HERC3: variants seen among roughly 807,000 people sequenced by gnomAD.
HERC3 encodes HECT and RLD domain containing E3 ubiquitin protein ligase 3.
A neutral mutation model predicts 129.9 loss-of-function variants in HERC3; 58 were observed. That is an observed-to-expected ratio of 0.45 (90% CI 0.36 to 0.56). The LOEUF (loss-of-function observed/expected upper bound fraction) is 0.56, where lower values mean the gene tolerates loss of function less well. HERC3 is among the 20% of genes least tolerant of loss of function. The pLI is 0.00. For synonymous variants in HERC3, 430 were observed against 451.0 expected, an observed-to-expected ratio of 0.95 and a Z score of 0.59; for missense variants, 835 against 1,244.2, an observed-to-expected ratio of 0.67 and a Z score of 4.95.
chr4:88,579,988 G>A, the HERC3 span, among the ~76,000 whole-genome samples: 1 of 152,168 alleles, frequency 6.6e-6, no homozygotes, highest in African/African-American at 2.4e-5. Flanking sequence ...ATGTTAGCCC[G>A]ATAAGACTCA....
At chr4:88,618,062 A>G (rs969062230) in intron 3 of HERC3, among the ~76,000 whole-genome samples, 6 of 152,200 alleles carry the variant, frequency 3.9e-5, no homozygotes, top group Non-Finnish European at 8.8e-5. Flanking sequence ...CGATAGGAAA[A>G]TGGAGATAAC....
At position 88,670,121 on chromosome 4, in the gene HERC3, T is replaced by C; in HGVS notation, c.1798-18T>C. The C allele has an allele frequency of 6.2e-7, 1 of 1,604,174 alleles. No homozygotes were observed. On this transcript the variant is annotated intron_variant, in intron 15 of 25. Coordinates refer to ENST00000402738, the MANE Select transcript of HERC3 (RefSeq NM_014606.3). ...TGGGAAGCCATGTTTCAGTTGTCTG[T>C]ATTTTGTTCTTCATTAGGTAAATCT...
intron 23 of HERC3, chr4:88,690,428 G>A (rs1037967287): frequency 1.0e-6 from 1 of 985,104 alleles, no homozygotes; most frequent in African/African-American, 1.7e-5. Flanking sequence ...GTAACCTTTA[G>A]TCTTTCAAAC....
the HERC3 span, among the ~76,000 whole-genome samples, chr4:88,584,765 G>A: frequency 6.6e-6 from 1 of 152,196 alleles, no homozygotes. Context: ...TCCAGACTGT[G>A]AGCCAGTAAG....
the HERC3 span, among the ~76,000 whole-genome samples, chr4:88,576,269 C>T: frequency 6.6e-6 from 1 of 152,196 alleles, no homozygotes; most frequent in Non-Finnish European, 1.5e-5. Context: ...TCCCCTTCCA[C>T]CCTTGCCGTC....
At chr4:88,618,405 C>T (rs1289769354) in intron 3 of HERC3, among the ~76,000 whole-genome samples, 1 of 152,202 alleles carries the variant, frequency 6.6e-6, no homozygotes, top group East Asian at 1.9e-4. Flanking sequence ...TAGAGGCTTT[C>T]CACTGATCAC....
In HERC3 at chr4:88,667,486, C is replaced by T. The variant is rs1731170671; in HGVS notation, c.1441C>T (p.Gln481Ter). 7.2e-6 allele frequency: 11 copies of T among 1,531,050 alleles called. No homozygotes were observed. Among genetic ancestry groups the T allele is most frequent in the Non-Finnish European group, 9.9e-6 (11 of 1,115,904 alleles). 94.8% of individuals were successfully genotyped at this position (1,531,050 alleles called of 1,614,324 possible). A position where few individuals can be genotyped will look rare whatever the true frequency, so the allele number is the denominator to read the frequency against. Reference protein sequence around the residue: ...MNSQHSMILEQILNSFESCLI... With the variant: ...MNSQHSMILE ...CTCTCAGCACTCCATGATTCTAGAA[C>T]AGGTATGTTTCTATATTTGTAAAGT... Residue 481 changes from glutamine (Q) to a stop codon, truncating the protein, a stop_gained and splice_region_variant, in exon 13 of 26, where the codon CAG becomes TAG. Coordinates refer to ENST00000402738, the MANE Select transcript of HERC3 (RefSeq NM_014606.3). LOFTEE classifies it high-confidence loss of function.
At chr4:88,545,641 G>C in the HERC3 span, among the ~76,000 whole-genome samples, 1 of 151,760 alleles carries the variant, frequency 6.6e-6, no homozygotes, top group South Asian at 2.1e-4. Flanking sequence ...GCTCAGGCTG[G>C]TCTCAAACTC....
In HERC3 at chr4:88,667,420, G is replaced by T; in HGVS notation, c.1375G>T (p.Asp459Tyr). 3 of 1,610,250 alleles carry T rather than the reference G, an allele frequency of 1.9e-6. No homozygotes were observed. The South Asian group carries it at 3.3e-5, about 18-fold the overall frequency. ...AACGAGTCCCAAAATCCCTGGGATT[G>T]ACCTGAACTCAACTAGGGTGTTATT... ...FKTSPKIPGI[D>Y]LNSTRVLFEK... Residue 459 changes from aspartate (D) to tyrosine (Y), a missense_variant, in exon 13 of 26, where the codon GAC (aspartate) becomes TAC (tyrosine). Physicochemically the swap from Asp to Tyr is radical, Grantham distance 160. Transcript: ENST00000402738.
chr4:88,653,944 T>C, intron 6 of HERC3, 98 bp from the exon 7 acceptor site: 1 of 846,112 alleles, frequency 1.2e-6, no homozygotes, highest in Admixed American at 1.9e-5. Flanking sequence ...TGAACATGCG[T>C]CAGGAATCCA....
Position 88,606,061 on chromosome 4 carries a change from T to C in HERC3, c.226+12T>C. 6.2e-7 allele frequency: 1 copy of C among 1,601,716 alleles called. No homozygotes were observed. The highest frequency in any genetic ancestry group is 1.1e-5 in the South Asian group (1 of 90,466). ...AGGAAACAAGCCAGGTAAGTGCACC[T>C]TATCTGTCTTGATTATTGGTGAGAA... On this transcript the variant is annotated intron_variant, in intron 3 of 25. Transcript: ENST00000402738.
intron 3 of HERC3, among the ~76,000 whole-genome samples, chr4:88,630,980 C>A (rs1306263414): frequency 6.6e-6 from 1 of 152,164 alleles, no homozygotes; most frequent in Non-Finnish European, 1.5e-5. Context: ...GACAGGGCTC[C>A]ATATGTTATT....
chr4:88,581,450 A>T, the HERC3 span, among the ~76,000 whole-genome samples: 2 of 147,898 alleles, frequency 1.4e-5, no homozygotes, highest in African/African-American at 5.2e-5. Context: ...GGTGCCCGCG[A>T]CCATGCCTGG....
chr4:88,642,479 G>A (rs563281254), intron 3 of HERC3, among the ~76,000 whole-genome samples: 1 of 152,222 alleles, frequency 6.6e-6, no homozygotes, highest in South Asian at 2.1e-4. Flanking sequence ...GTTCATTTGG[G>A]GTGCTATAAC....
In HERC3 at chr4:88,662,413, TTACA is replaced by T; in HGVS notation, c.1147-16_1147-13del. 6.3e-7 allele frequency: 1 copy of T among 1,595,820 alleles called. No homozygotes were observed. Among genetic ancestry groups the T allele is most frequent in the South Asian group, 1.1e-5 (1 of 87,208 alleles). ...GCTACATAATTTCTTCTTTTTACTG[TTACA>T]TTTAATTCTCCAGAATTATTCTCCT... On this transcript the variant is annotated splice_polypyrimidine_tract_variant and intron_variant, in intron 10 of 25. Transcript: ENST00000402738.
intron 3 of HERC3, among the ~76,000 whole-genome samples, chr4:88,615,414 A>ATC (rs1724796695): frequency 6.6e-6 from 1 of 152,190 alleles, no homozygotes; most frequent in Non-Finnish European, 1.5e-5. Flanking sequence ...ATAACCCTCT[A>ATC]ACAGATGTAT....
At chr4:88,655,116 G>T in intron 7 of HERC3, 58 bp from the exon 8 acceptor site, 1 of 1,593,184 alleles carries the variant, frequency 6.3e-7, no homozygotes. Context: ...TGTATACAGG[G>T]TTTAGAGGTA....
At chr4:88,563,065 G>T in the HERC3 span, among the ~76,000 whole-genome samples, 1 of 152,156 alleles carries the variant, frequency 6.6e-6, no homozygotes, top group Admixed American at 6.5e-5. Flanking sequence ...GATAGGCATT[G>T]CATTGAATCT....
chr4:88,531,287 C>G, the HERC3 span, among the ~76,000 whole-genome samples: 6 of 151,930 alleles, frequency 3.9e-5, no homozygotes, highest in South Asian at 2.1e-4. Context: ...CTGTCCTCCC[C>G]CCTCAGCCTC....
Sources: gnomAD v4.1 joint callset for allele counts (sites outside exome capture counted in the v4.1 genomes callset) on GRCh38, gnomAD v4.1.1 for gene constraint, MANE v1.5 for transcripts, NCBI Gene and HGNC (gene_info 2026-07-23, HGNC 2026-07-21) for gene names.